The following RANBP2 variants were observed in gnomAD, a reference collection of about 807,000 sequenced individuals.
RANBP2 encodes the protein RAN binding protein 2, also known as E3 SUMO-protein ligase RanBP2.
A neutral mutation model predicts 303.6 loss-of-function variants in RANBP2; 57 were observed. The observed-to-expected ratio is 0.19, with a 90% CI of 0.15 to 0.23. The LOEUF (loss-of-function observed/expected upper bound fraction) is 0.23, where lower values mean the gene tolerates loss of function less well. Among genes scored for constraint, RANBP2 ranks in the 10% least tolerant of loss-of-function variants. RANBP2 has a pLI of 1.00. For missense variants in RANBP2, 3,138 were observed against 3,780.8 expected (o/e 0.83, Z 4.46); for synonymous variants, 1,167 against 1,301.5 (o/e 0.90, Z 2.23).
At chr2:108,796,747 C>T in the RANBP2 span, among the ~76,000 whole-genome samples, 2 of 152,114 alleles carry the variant, frequency 1.3e-5, no homozygotes, top group Non-Finnish European at 2.9e-5. Flanking sequence ...CATGTTCTCA[C>T]TCGTGTGGGG....
the RANBP2 span, among the ~76,000 whole-genome samples, chr2:109,600,812 A>C: frequency 6.6e-6 from 1 of 152,264 alleles, no homozygotes; most frequent in African/African-American, 2.4e-5. Context: ...TGCTTCTAAC[A>C]AATGGCTAGA....
the RANBP2 span, among the ~76,000 whole-genome samples, chr2:109,112,657 T>G: frequency 1.4e-4 from 21 of 152,118 alleles, no homozygotes; most frequent in Non-Finnish European, 2.2e-4. Context: ...ATTTGTCAAT[T>G]TTGGCTTTTG....
the RANBP2 span, among the ~76,000 whole-genome samples, chr2:109,279,752 C>T: frequency 6.0e-5 from 5 of 82,760 alleles, no homozygotes; most frequent in South Asian, 4.9e-4. Context: ...AGCAGTGACG[C>T]GAAACTTCGC....
At chr2:109,025,581 G>T in the RANBP2 span, among the ~76,000 whole-genome samples, 1 of 152,116 alleles carries the variant, frequency 6.6e-6, no homozygotes, top group African/African-American at 2.4e-5. Context: ...GCTGAGGCTG[G>T]CAGATCACGA....
At chr2:109,161,066 T>C in the RANBP2 span, among the ~76,000 whole-genome samples, 1 of 152,134 alleles carries the variant, frequency 6.6e-6, no homozygotes, top group African/African-American at 2.4e-5. Flanking sequence ...GTGAGGGTGC[T>C]TGTGATCACA....
intron 26 of RANBP2, among the ~76,000 whole-genome samples, chr2:108,781,917 A>G (rs1160230268): frequency 1.3e-5 from 2 of 152,238 alleles, no homozygotes. Context: ...TGAATATTAT[A>G]TAAAAGAAAA....
chr2:109,421,524 A>G, the RANBP2 span, among the ~76,000 whole-genome samples: 1 of 152,198 alleles, frequency 6.6e-6, no homozygotes, highest in Admixed American at 6.5e-5. Context: ...TCAACCATGG[A>G]CAAACCTCCA....
the RANBP2 span, among the ~76,000 whole-genome samples, chr2:109,508,346 C>T: frequency 6.6e-6 from 1 of 152,118 alleles, no homozygotes; most frequent in Non-Finnish European, 1.5e-5. Context: ...TGAGAAGATA[C>T]ACGTAGAGCT....
chr2:108,837,879 C>G, the RANBP2 span, among the ~76,000 whole-genome samples: 6 of 151,246 alleles, frequency 4.0e-5, no homozygotes, highest in African/African-American at 1.2e-4. Flanking sequence ...CATAAAAATA[C>G]TATTTAGAGA....
the RANBP2 span, chr2:109,615,474 C>A: frequency 2.5e-6 from 4 of 1,613,514 alleles, no homozygotes; most frequent in Non-Finnish European, 3.4e-6. Context: ...CAACAAACAC[C>A]AGCTGCCGGT....
chr2:109,025,655 G>A, the RANBP2 span, among the ~76,000 whole-genome samples: 61 of 152,112 alleles, frequency 4.0e-4, no homozygotes, highest in Admixed American at 1.7e-3. Flanking sequence ...AAAATTAGCC[G>A]GTTGTGGTGG....
At chr2:109,084,295 T>C in the RANBP2 span, among the ~76,000 whole-genome samples, 1 of 152,164 alleles carries the variant, frequency 6.6e-6, no homozygotes, top group Non-Finnish European at 1.5e-5. Flanking sequence ...CCGAAAAACA[T>C]CTAGGAAAAT....
the RANBP2 span, among the ~76,000 whole-genome samples, chr2:109,710,393 A>AG: frequency 6.6e-6 from 1 of 151,538 alleles, no homozygotes; most frequent in Non-Finnish European, 1.5e-5. Flanking sequence ...AAAAAAAAAA[A>AG]AAGTGATTTA....
chr2:109,700,973 G>A, the RANBP2 span, among the ~76,000 whole-genome samples: 1 of 152,204 alleles, frequency 6.6e-6, no homozygotes, highest in African/African-American at 2.4e-5. Context: ...ACAAACTTTA[G>A]AAACTACAAA....
the RANBP2 span, among the ~76,000 whole-genome samples, chr2:109,740,278 C>T: frequency 4.6e-5 from 7 of 151,574 alleles, no homozygotes; most frequent in East Asian, 1.9e-4. Flanking sequence ...TGAGCCACTG[C>T]GCCCGGCCAA....
the RANBP2 span, among the ~76,000 whole-genome samples, chr2:109,529,621 G>T: frequency 6.6e-6 from 1 of 152,204 alleles, no homozygotes; most frequent in Non-Finnish European, 1.5e-5. Context: ...CTTTGCTTAG[G>T]ACAAAAGAAA....
chr2:109,362,392 G>T, the RANBP2 span, among the ~76,000 whole-genome samples: 1 of 152,128 alleles, frequency 6.6e-6, no homozygotes, highest in Admixed American at 6.5e-5. Context: ...TTCTATTATG[G>T]ATGTCTAATT....
At chr2:109,520,328 C>T in the RANBP2 span, among the ~76,000 whole-genome samples, 1 of 151,992 alleles carries the variant, frequency 6.6e-6, no homozygotes, top group Non-Finnish European at 1.5e-5. Context: ...GTTGGCCAGG[C>T]GCGGTGGCTC....
At chr2:109,619,061 A>G in the RANBP2 span, 34 of 166,604 alleles carry the variant, frequency 2.0e-4, no homozygotes, top group African/African-American at 8.0e-4. Flanking sequence ...TACAGTTCAC[A>G]AAATGCTTTT....
Sources: allele counts gnomAD v4.1 joint callset (sites outside exome capture counted in the v4.1 genomes callset), GRCh38; gene constraint gnomAD v4.1.1; transcripts MANE v1.5; gene names NCBI Gene and HGNC (gene_info 2026-07-23, HGNC 2026-07-21).